Variants in CCSER1 observed in about 807,000 individuals in gnomAD.
The protein encoded by CCSER1 is coiled-coil serine rich protein 1.
Under a neutral mutation model 82.0 loss-of-function variants are expected in CCSER1, and 41 were observed. The ratio of observed to expected loss-of-function variants is 0.50; its 90% CI spans 0.39 to 0.65. The LOEUF (loss-of-function observed/expected upper bound fraction) is 0.65. CCSER1 is among the 30% of genes least tolerant of loss of function. The probability of loss-of-function intolerance (pLI) is 0.00; values close to 1 mark genes in which losing one functional copy is unlikely to be tolerated. For missense variants in CCSER1, 1,119 were observed against 1,064.2 expected, an observed-to-expected ratio of 1.05 and a Z score of -0.72; for synonymous variants, 414 against 383.9, an observed-to-expected ratio of 1.08 and a Z score of -0.92.
At chr4:91,324,636 G>A (rs1402463941) in intron 10 of CCSER1, among the ~76,000 whole-genome samples, 2 of 152,052 alleles carry the variant, frequency 1.3e-5, no homozygotes. Flanking sequence ...TGATGTCTTT[G>A]GCTCTGAGTA....
intron 1 of CCSER1, among the ~76,000 whole-genome samples, chr4:90,238,005 A>G (rs2153432579): frequency 6.6e-6 from 1 of 152,222 alleles, no homozygotes; most frequent in East Asian, 1.9e-4. Flanking sequence ...TGTTTGTGAA[A>G]ATGATTGTAT....
At chr4:90,652,601 C>T (rs185875853) in intron 6 of CCSER1, among the ~76,000 whole-genome samples, 1 of 152,038 alleles carries the variant, frequency 6.6e-6, no homozygotes, top group Non-Finnish European at 1.5e-5. Flanking sequence ...TCTTTTTCTT[C>T]TCTTCCCTGT....
intron 9 of CCSER1, among the ~76,000 whole-genome samples, chr4:90,965,549 C>T (rs1325003848): frequency 2.0e-5 from 3 of 152,086 alleles, no homozygotes; most frequent in African/African-American, 7.3e-5. Context: ...TCAAGATAAT[C>T]TTTGTTTAAT....
chr4:91,339,280 T>C (rs1173900032), intron 10 of CCSER1, among the ~76,000 whole-genome samples: 8 of 152,158 alleles, frequency 5.3e-5, no homozygotes, highest in Admixed American at 5.2e-4. Context: ...TGCCAGACAC[T>C]AAATGATTGT....
At chr4:91,130,424 T>C (rs1727896242) in intron 10 of CCSER1, among the ~76,000 whole-genome samples, 1 of 151,904 alleles carries the variant, frequency 6.6e-6, no homozygotes. Context: ...AAGGAAATTG[T>C]TTTTTACCTG....
intron 7 of CCSER1, among the ~76,000 whole-genome samples, chr4:90,783,171 T>C (rs1188864792): frequency 6.6e-6 from 1 of 152,172 alleles, no homozygotes; most frequent in East Asian, 1.9e-4. Context: ...ATTTCTGGTT[T>C]CTTCTCTAAA....
chr4:91,331,273 T>C (rs1161354083), intron 10 of CCSER1, among the ~76,000 whole-genome samples: 8 of 152,196 alleles, frequency 5.3e-5, no homozygotes, highest in Non-Finnish European at 1.0e-4. Flanking sequence ...ATTTTCCTCA[T>C]GTGTTACATC....
At chr4:90,846,251 C>T (rs576518054) in intron 8 of CCSER1, among the ~76,000 whole-genome samples, 10 of 152,196 alleles carry the variant, frequency 6.6e-5, no homozygotes, top group East Asian at 1.9e-4. Context: ...AATCCTTCAG[C>T]GTGAGAGTTA....
chr4:90,408,926 A>G (rs1754201920), intron 4 of CCSER1, among the ~76,000 whole-genome samples: 1 of 152,228 alleles, frequency 6.6e-6, no homozygotes. Context: ...AATGCAGAGA[A>G]GTCCTTAAAG....
At chr4:90,939,747 A>G (rs11097280) in intron 9 of CCSER1, among the ~76,000 whole-genome samples, 121,630 of 152,038 alleles carry the variant, frequency 0.8, 48,839 homozygotes, top group East Asian at 0.88. Context: ...ATTATGAATC[A>G]TAAATGCTGG....
chr4:90,372,974 T>C (rs1353417987), intron 3 of CCSER1, among the ~76,000 whole-genome samples: 2 of 137,228 alleles, frequency 1.5e-5, no homozygotes, highest in Non-Finnish European at 3.4e-5. Context: ...GCATTAGCCA[T>C]GGTATAAGAT....
At chr4:91,423,001 A>G (rs532022780) in intron 10 of CCSER1, among the ~76,000 whole-genome samples, 2 of 152,320 alleles carry the variant, frequency 1.3e-5, no homozygotes, top group South Asian at 2.1e-4. Flanking sequence ...TTCACTGAAA[A>G]TTAAGACATA....
chr4:90,891,636 C>CTTT (rs1189962621), intron 8 of CCSER1, among the ~76,000 whole-genome samples: 2 of 151,892 alleles, frequency 1.3e-5, no homozygotes, highest in African/African-American at 4.8e-5. Flanking sequence ...TATCAAAATA[C>CTTT]TTTTTTCTTC....
chr4:91,434,452 G>A (rs57417027), intron 10 of CCSER1, among the ~76,000 whole-genome samples: 1 of 152,070 alleles, frequency 6.6e-6, no homozygotes, highest in East Asian at 1.9e-4. Context: ...TAGAACAGCA[G>A]AAGCCTAACA....
Position 90,357,024 on chromosome 4 carries a change from C to T in CCSER1, c.1510-43012C>T, listed in dbSNP as rs112910084. ...AAGTATATTATAAAACTACTTTTTG[C>T]GGGTCTGGTAAAAATGGTGGTGCCT... is the stretch of plus-strand genomic sequence containing the variant. On this transcript the variant is annotated intron_variant, in intron 3 of 10. Coordinates refer to ENST00000509176, the MANE Select transcript of CCSER1 (RefSeq NM_001145065.2). Among the ~76,000 whole-genome samples the T allele has an allele frequency of 7.9e-3, 1,201 of 151,780 alleles. 9 individuals are homozygous for T. Among genetic ancestry groups the T allele is most frequent in the African/African-American group, 0.013 (557 of 41,480 alleles).
rs138522970 is a variant in CCSER1, at chr4:90,313,165, A to G, written c.1509+118A>G. 172 of 875,756 alleles carry G rather than the reference A, an allele frequency of 2.0e-4. No homozygotes were observed. In the African/African-American group the frequency reaches 2.5e-3, roughly 13 times the overall value. 54.2% of individuals were successfully genotyped at this position (875,756 alleles called of 1,614,324 possible). A position where few individuals can be genotyped will look rare whatever the true frequency, so the allele number is the denominator to read the frequency against. ...TAGACACCTCATATTTGAAGGGAAA[A>G]TTTGTTTCCATAGTTGACATTACAA... On this transcript the variant is annotated intron_variant, in intron 3 of 10. Coordinates refer to ENST00000509176, the MANE Select transcript of CCSER1 (RefSeq NM_001145065.2).
chr4:90,961,379 G>A (rs190540639), intron 9 of CCSER1, among the ~76,000 whole-genome samples: 1 of 152,010 alleles, frequency 6.6e-6, no homozygotes, highest in Non-Finnish European at 1.5e-5. Context: ...ACCAAAAATG[G>A]TCAACCATTA....
chr4:91,559,625 G>T (rs1762561784), intron 10 of CCSER1, among the ~76,000 whole-genome samples: 1 of 151,346 alleles, frequency 6.6e-6, no homozygotes, highest in Admixed American at 6.6e-5. Context: ...ATAGAAACAT[G>T]AAAATCAAAC....
chr4:91,221,837 G>C (rs959893997), intron 10 of CCSER1, among the ~76,000 whole-genome samples: 8 of 151,958 alleles, frequency 5.3e-5, no homozygotes, highest in African/African-American at 1.9e-4. Context: ...AGTGTGATAA[G>C]GTTATGCTCA....
Sources: gnomAD v4.1 joint callset for allele counts (sites outside exome capture counted in the v4.1 genomes callset) on GRCh38, gnomAD v4.1.1 for gene constraint, MANE v1.5 for transcripts, NCBI Gene and HGNC (gene_info 2026-07-23, HGNC 2026-07-21) for gene names.